Variants in CCDC171 observed in about 807,000 individuals in gnomAD.
CCDC171 encodes the protein coiled-coil domain-containing protein 171.
A neutral mutation model predicts 168.2 loss-of-function variants in CCDC171; 177 were observed. The ratio of observed to expected loss-of-function variants is 1.05; its 90% confidence interval spans 0.93 to 1.19. CCDC171 has a LOEUF of 1.19. CCDC171 is among the 50% of genes most tolerant of loss of function. CCDC171 has a pLI of 0.00. For synonymous variants in CCDC171, 687 were observed against 540.8 expected (o/e 1.27, Z -3.75); for missense variants, 1,991 against 1,539.0 (o/e 1.29, Z -4.91).
chr9:15,763,102 T>C (rs7040273), intron 18 of CCDC171, among the ~76,000 whole-genome samples: 36 of 152,286 alleles, frequency 2.4e-4, no homozygotes, highest in African/African-American at 7.9e-4. Context: ...TATTTAGGAT[T>C]ACAGTTTTAT....
intron 1 of CCDC171, among the ~76,000 whole-genome samples, chr9:15,558,358 G>C (rs1563935305): frequency 6.6e-6 from 1 of 152,058 alleles, no homozygotes; most frequent in East Asian, 1.9e-4. Flanking sequence ...CAGTGAATCC[G>C]TCTGGTCCTG....
intron 24 of CCDC171, among the ~76,000 whole-genome samples, chr9:15,914,803 C>T (rs1824261614): frequency 6.6e-6 from 1 of 152,128 alleles, no homozygotes; most frequent in South Asian, 2.1e-4. Context: ...ATCTCCTGGT[C>T]TGGGTTGTGA....
At chr9:15,574,862 T>G (rs2040512054) in intron 3 of CCDC171, among the ~76,000 whole-genome samples, 2 of 152,188 alleles carry the variant, frequency 1.3e-5, no homozygotes, top group South Asian at 2.1e-4. Context: ...TGATAGGTAT[T>G]CAAATAATAG....
At chr9:15,786,576 A>G (rs184014162) in intron 21 of CCDC171, among the ~76,000 whole-genome samples, 3 of 152,330 alleles carry the variant, frequency 2.0e-5, no homozygotes, top group Admixed American at 1.3e-4. Context: ...GCTAATAAGT[A>G]TAGTGGTATC....
intron 21 of CCDC171, among the ~76,000 whole-genome samples, chr9:15,830,855 C>A (rs999061877): frequency 5.3e-5 from 8 of 151,972 alleles, no homozygotes; most frequent in African/African-American, 1.9e-4. Flanking sequence ...AACATAGAGA[C>A]CCTGTTGAAG....
At chr9:16,103,295 G>T in the CCDC171 span, among the ~76,000 whole-genome samples, 2 of 152,322 alleles carry the variant, frequency 1.3e-5, no homozygotes, top group South Asian at 2.1e-4. Flanking sequence ...CTGGGAGTGG[G>T]CAAGGGATGG....
chr9:16,069,328 A>G, the CCDC171 span, among the ~76,000 whole-genome samples: 94 of 152,368 alleles, frequency 6.2e-4, no homozygotes, highest in African/African-American at 2.2e-3. Context: ...AAAAATGCTG[A>G]GAGTGAAAAA....
At chr9:16,009,083 G>A (rs190580777) in intron 3 of CCDC171, among the ~76,000 whole-genome samples, 3 of 152,030 alleles carry the variant, frequency 2.0e-5, no homozygotes, top group Admixed American at 2.0e-4. Context: ...TTGCAAAGAT[G>A]TAACTGCTTA....
intron 25 of CCDC171, among the ~76,000 whole-genome samples, chr9:15,937,874 G>A (rs1252007151): frequency 6.6e-6 from 1 of 151,842 alleles, no homozygotes; most frequent in Admixed American, 6.6e-5. Context: ...GTATGGACAA[G>A]GAAGCTTTTG....
chr9:15,560,299 C>T (rs1231812966), intron 1 of CCDC171, among the ~76,000 whole-genome samples: 1 of 152,144 alleles, frequency 6.6e-6, no homozygotes, highest in Non-Finnish European at 1.5e-5. Context: ...GGGAAGCTCT[C>T]CTGGATGATA....
In CCDC171 at chr9:15,971,896, G is replaced by C; in HGVS notation, c.*60G>C. On this transcript the variant is annotated 3_prime_UTR_variant, in exon 26 of 26. Coordinates refer to ENST00000380701, the MANE Select transcript of CCDC171 (RefSeq NM_173550.4). ...AGTACAATTAAAATTGTTTTGAATG[G>C]GAATTTTCTTATCAGTTGACTTTTG... 1 of 1,415,602 alleles carries C rather than the reference G, an allele frequency of 7.1e-7. No individual in the cohort carries two copies. The highest frequency in any genetic ancestry group is 9.9e-7 in the Non-Finnish European group (1 of 1,011,772). The allele number at this position is 1,415,602 out of a possible 1,614,324, so 87.7% of individuals were successfully genotyped here. A position where few individuals can be genotyped will look rare whatever the true frequency, so the allele number is the denominator to read the frequency against.
At chr9:15,826,560 C>G (rs946201547) in intron 21 of CCDC171, among the ~76,000 whole-genome samples, 1 of 152,154 alleles carries the variant, frequency 6.6e-6, no homozygotes, top group African/African-American at 2.4e-5. Context: ...TCAATTTTCT[C>G]TGTTGGAAAC....
intron 16 of CCDC171, among the ~76,000 whole-genome samples, chr9:15,730,687 G>C (rs114455514): frequency 0.013 from 1,927 of 151,408 alleles, 47 homozygotes; most frequent in African/African-American, 0.043. Context: ...TATTAAATCA[G>C]GTCATTCTGT....
chr9:15,676,320 A>G (rs934543411), intron 9 of CCDC171, among the ~76,000 whole-genome samples: 2 of 152,118 alleles, frequency 1.3e-5, no homozygotes, highest in Non-Finnish European at 2.9e-5. Flanking sequence ...GGGTTAGAAC[A>G]TGCTCCTTTA....
At chr9:15,930,931 T>C (rs1328359643) in intron 25 of CCDC171, among the ~76,000 whole-genome samples, 1 of 151,676 alleles carries the variant, frequency 6.6e-6, no homozygotes, top group African/African-American at 2.4e-5. Context: ...AGTGTATCCA[T>C]AATCTCATGC....
intron 5 of CCDC171, 123 bp from the exon 6 acceptor site, chr9:15,593,918 C>A: frequency 1.6e-6 from 1 of 626,132 alleles, no homozygotes; most frequent in Non-Finnish European, 2.8e-6. Context: ...ATGATTTTAA[C>A]ATGAATTATG....
chr9:16,028,616 A>AG (rs1833316363), intron 6 of CCDC171, among the ~76,000 whole-genome samples: 1 of 152,100 alleles, frequency 6.6e-6, no homozygotes, highest in African/African-American at 2.4e-5. Context: ...TAAATCTGGC[A>AG]GCTCTAGCTC....
the CCDC171 span, among the ~76,000 whole-genome samples, chr9:16,094,383 C>G: frequency 1.3e-5 from 2 of 152,218 alleles, no homozygotes; most frequent in African/African-American, 4.8e-5. Context: ...TTTGGAAAAC[C>G]TTTATGGAGC....
At chr9:16,055,908 T>C (rs1451164463) in intron 1 of CCDC171, among the ~76,000 whole-genome samples, 1 of 152,232 alleles carries the variant, frequency 6.6e-6, no homozygotes, top group Non-Finnish European at 1.5e-5. Context: ...AATTTTACCT[T>C]TATTTGAATT....
Sources: gnomAD v4.1 joint callset for allele counts (sites outside exome capture counted in the v4.1 genomes callset) on GRCh38, gnomAD v4.1.1 for gene constraint, MANE v1.5 for transcripts, NCBI Gene and HGNC (gene_info 2026-07-23, HGNC 2026-07-21) for gene names.